Variants in MAN2B2 observed in about 807,000 individuals in gnomAD.
MAN2B2 encodes the protein epididymis-specific alpha-mannosidase.
Under a neutral mutation model 117.1 loss-of-function variants are expected in MAN2B2, and 106 were observed. The ratio of observed to expected loss-of-function variants is 0.90; its 90% CI spans 0.77 to 1.06. MAN2B2 has a LOEUF of 1.06. MAN2B2 is among the 50% of genes least tolerant of loss of function. MAN2B2 has a pLI of 0.00. For synonymous variants in MAN2B2, 544 were observed against 595.1 expected, an observed-to-expected ratio of 0.91 and a Z score of 1.25; for missense variants, 1,326 against 1,381.4, an observed-to-expected ratio of 0.96 and a Z score of 0.64.
At chr4:6,592,313 C>A (rs1052088194) in intron 5 of MAN2B2, among the ~76,000 whole-genome samples, 1 of 152,190 alleles carries the variant, frequency 6.6e-6, no homozygotes, top group African/African-American at 2.4e-5. Flanking sequence ...CACATTCTAC[C>A]AGGGAGCTTG....
intron 10 of MAN2B2, among the ~76,000 whole-genome samples, chr4:6,602,430 G>C (rs1225362547): frequency 6.6e-6 from 1 of 152,150 alleles, no homozygotes; most frequent in Non-Finnish European, 1.5e-5. Context: ...GGAACTCTCT[G>C]AGGTCTTTTT....
At chr4:6,595,909 G>T (rs1727058570) in intron 7 of MAN2B2, among the ~76,000 whole-genome samples, 2 of 152,322 alleles carry the variant, frequency 1.3e-5, no homozygotes, top group East Asian at 3.9e-4. Flanking sequence ...CCCGGCTCCT[G>T]CTGTTGACAC....
Position 6,576,453 on chromosome 4 carries a change from G to A in MAN2B2, c.139-125G>A, listed in dbSNP as rs1018704657. 6.2e-6 allele frequency: 7 copies of A among 1,121,998 alleles called. No individual in the cohort carries two copies. In the East Asian group the frequency reaches 9.5e-5, roughly 15 times the overall value. 69.5% of individuals were successfully genotyped at this position (1,121,998 alleles called of 1,614,324 possible). ...CGAGTGCCTAATAGCTGTGTGGGGG[G>A]TGAGCAGCAGGGAAGGAAGGGCAGA... On this transcript the variant is annotated intron_variant, in intron 1 of 18. Transcript: ENST00000285599.
chr4:6,579,279 A>AC (rs1726290974), intron 3 of MAN2B2, among the ~76,000 whole-genome samples: 2 of 121,854 alleles, frequency 1.6e-5, no homozygotes, highest in African/African-American at 3.1e-5. Context: ...CATCACCACC[A>AC]CCATCACCAT....
At chr4:6,590,627 G>A (rs1284718005) in intron 5 of MAN2B2, among the ~76,000 whole-genome samples, 1 of 152,166 alleles carries the variant, frequency 6.6e-6, no homozygotes, top group Non-Finnish European at 1.5e-5. Flanking sequence ...CAACCCCAGT[G>A]ATCTCCCTGC....
At chr4:6,580,171 T>C (rs1288627401) in intron 3 of MAN2B2, among the ~76,000 whole-genome samples, 23 of 152,222 alleles carry the variant, frequency 1.5e-4, no homozygotes, top group Non-Finnish European at 1.5e-5. Context: ...ATCTGGACTT[T>C]GCTCAAACCC....
At chr4:6,602,433 G>T (rs1360135842) in intron 10 of MAN2B2, among the ~76,000 whole-genome samples, 1 of 152,150 alleles carries the variant, frequency 6.6e-6, no homozygotes, top group East Asian at 1.9e-4. Flanking sequence ...ACTCTCTGAG[G>T]TCTTTTTTAC....
rs759497929 is a variant in MAN2B2 at position 6,611,230 on chromosome 4, G to C, written c.2515G>C (p.Ala839Pro). 6.2e-7 allele frequency: 1 copy of C among 1,613,466 alleles called. No homozygotes were observed. Among genetic ancestry groups the C allele is most frequent in the Non-Finnish European group, 8.5e-7 (1 of 1,179,894 alleles). ...CACCACTGCCCTGCGCCAGAGGAGC[G>C]CACTGGCGCTGCAGCACAGGCCCGT... is the stretch of plus-strand genomic sequence containing the variant. ...SLTTALRQRS[A>P]LALQHRPVVL... is the part of the protein sequence containing the mutation. Residue 839 changes from alanine to proline, a missense_variant, in exon 15 of 19, where the codon GCA (alanine) becomes CCA (proline). By Grantham distance (27) the Ala-to-Pro change is conservative (BLOSUM62 -1). Transcript: ENST00000285599.
chr4:6,621,226 A>T lies in MAN2B2; in HGVS notation c.2971A>T (p.Ile991Phe). ...TSPSRPPGGP[I>F]ITVHPKEIRT... ...TCCCTCGAGGCCACCAGGAGGCCCC[A>T]TCATCACCGTCCACCCAAAGGAAAT... The change falls in exon 19 of 19, where the codon ATC becomes TTC. Residue 991 changes from isoleucine (I) to phenylalanine (F), a missense_variant. Physicochemically the swap from Ile to Phe is conservative, Grantham distance 21 (BLOSUM62 0). Transcript: ENST00000285599. 6.2e-7 allele frequency: 1 copy of T among 1,614,068 alleles called. No homozygotes were observed. Among genetic ancestry groups the T allele is most frequent in the East Asian group, 2.2e-5 (1 of 44,856 alleles).
At chr4:6,599,201 G>A (rs1024053285) in intron 9 of MAN2B2, among the ~76,000 whole-genome samples, 9 of 152,148 alleles carry the variant, frequency 5.9e-5, no homozygotes, top group Non-Finnish European at 1.0e-4. Context: ...GGGCTTGAGC[G>A]ATCCTCCTGC....
At position 6,597,807 on chromosome 4, in the gene MAN2B2, A is replaced by T. The variant is rs140993500; in HGVS notation, c.1249-391A>T. Among the ~76,000 whole-genome samples the T allele has an allele frequency of 3.9e-5, 6 of 152,334 alleles. 1 individual carries two copies. Among genetic ancestry groups the T allele is most frequent in the Admixed American group, 2.0e-4 (3 of 15,306 alleles). On this transcript the variant is annotated intron_variant, in intron 8 of 18. Coordinates refer to ENST00000285599, the MANE Select transcript of MAN2B2 (RefSeq NM_015274.3). ...ACCCATCCCCTACTGTACTGATGGG[A>T]AAACAGACCCAAGACAGCCTGTAAC...
chr4:6,600,995 G>A (rs1465593855), intron 10 of MAN2B2, among the ~76,000 whole-genome samples: 1 of 152,136 alleles, frequency 6.6e-6, no homozygotes, highest in Non-Finnish European at 1.5e-5. Flanking sequence ...AGTACCTGGA[G>A]TGAGCACAGA....
intron 1 of MAN2B2, 86 bp from the exon 2 acceptor site, chr4:6,576,492 T>A (rs1212700990): frequency 6.6e-7 from 1 of 1,524,020 alleles, no homozygotes; most frequent in Admixed American, 1.7e-5. Context: ...CCCAACCCCA[T>A]GCAGACACAC....
chr4:6,583,463 G>A (rs1310014325), intron 3 of MAN2B2, among the ~76,000 whole-genome samples: 1 of 152,162 alleles, frequency 6.6e-6, no homozygotes. Context: ...TATATCGGAC[G>A]CCAATTAACA....
At position 6,621,494 on chromosome 4, in the gene MAN2B2, C is replaced by CA; in HGVS notation, c.*210dup. The stretch of plus-strand genomic sequence containing the variant: ...TTACAAGATCCAGGTTCTTCCCCCC[C>CA]ACACTCAATCAAGCCAGCCCTCTCC... On this transcript the variant is annotated 3_prime_UTR_variant, in exon 19 of 19. Coordinates refer to ENST00000285599, the MANE Select transcript of MAN2B2 (RefSeq NM_015274.3). 1.8e-6 allele frequency: 1 copy of CA among 542,268 alleles called. No individual in the cohort carries two copies. The highest frequency in any genetic ancestry group is 3.3e-6 in the Non-Finnish European group (1 of 303,124). The allele number at this position is 542,268 out of a possible 1,614,324, so 33.6% of individuals were successfully genotyped here.
At position 6,610,030 on chromosome 4, in the gene MAN2B2, G is replaced by A. The variant is rs755740883; in HGVS notation, c.2239G>A (p.Val747Met). The A allele has an allele frequency of 1.1e-5, 17 of 1,614,022 alleles. No individual in the cohort carries two copies. Among genetic ancestry groups the A allele is most frequent in the Non-Finnish European group, 1.4e-5 (17 of 1,180,026 alleles). ...GCAGCGGAGGCCCTACGTTTCCTATGTGAACAACAGCATCGCCCGGGTATG... is the reference window on the plus strand; with the variant it reads ...GCAGCGGAGGCCCTACGTTTCCTATATGAACAACAGCATCGCCCGGGTATG... The part of the protein sequence containing the change: ...QMQRRPYVSY[V>M]NNSIARNYYP... The change falls in exon 13 of 19, where the codon GTG becomes ATG. Residue 747 changes from valine (V) to methionine (M), a missense_variant. By Grantham distance (21) the Val-to-Met change is conservative (BLOSUM62 1). Transcript: ENST00000285599.
Position 6,597,107 on chromosome 4 carries a change from T to A in MAN2B2, c.1058-6T>A. ...CTCAAGCTCACCATCTTCCCTTGTC[T>A]CCCAGAACCATTCCAGGCCTGGACG... On this transcript the variant is annotated splice_polypyrimidine_tract_variant and splice_region_variant and intron_variant, in intron 7 of 18. Coordinates refer to ENST00000285599, the MANE Select transcript of MAN2B2 (RefSeq NM_015274.3). The A allele has an allele frequency of 6.2e-7, 1 of 1,612,016 alleles. No homozygotes were observed. Among genetic ancestry groups the A allele is most frequent in the Non-Finnish European group, 8.5e-7 (1 of 1,179,146 alleles).
At chr4:6,587,672 G>C (rs1383542882) in intron 4 of MAN2B2, among the ~76,000 whole-genome samples, 1 of 152,008 alleles carries the variant, frequency 6.6e-6, no homozygotes, top group Non-Finnish European at 1.5e-5. Flanking sequence ...CCTGGTACCA[G>C]GCCCTACTCA....
chr4:6,594,683 T>C lies in MAN2B2; in HGVS notation c.1008T>C (p.Asn336=). The change falls in exon 7 of 19, where the codon AAT becomes AAC. Residue 336 remains asparagine (N), a synonymous_variant. Coordinates refer to ENST00000285599, the MANE Select transcript of MAN2B2 (RefSeq NM_015274.3). ...ACTTCCGTGCCCTGCACGCTCTCAA[T>C]GTCACCTGGCGTGTCCGCGACCACC... ...GDYFRALHAL[N]VTWRVRDHHD... 2 of 1,613,182 alleles carry C rather than the reference T, an allele frequency of 1.2e-6. No individual in the cohort carries two copies. Among genetic ancestry groups the C allele is most frequent in the Non-Finnish European group, 1.7e-6 (2 of 1,180,000 alleles).
Sources: gnomAD v4.1 joint callset for allele counts (sites outside exome capture counted in the v4.1 genomes callset) on GRCh38, gnomAD v4.1.1 for gene constraint, MANE v1.5 for transcripts, NCBI Gene and HGNC (gene_info 2026-07-23, HGNC 2026-07-21) for gene names.